Variants in BDP1 observed in about 807,000 individuals in gnomAD.
The protein encoded by BDP1 is BDP1 general transcription factor IIIB subunit, also known as transcription factor TFIIIB component B'' homolog.
In BDP1, 169 loss-of-function variants were observed where a neutral mutation model predicts 266.6. The ratio of observed to expected loss-of-function variants is 0.63; its 90% CI spans 0.56 to 0.72. The LOEUF (loss-of-function observed/expected upper bound fraction) is 0.72. Among genes scored for constraint, BDP1 ranks in the 30% least tolerant of loss-of-function variants. BDP1 has a pLI of 0.00. For missense variants in BDP1, 3,015 were observed against 3,053.8 expected (o/e 0.99, Z 0.30); for synonymous variants, 1,090 against 1,022.4 (o/e 1.07, Z -1.26).
At chr5:71,496,887 C>T (rs1316343779) in intron 12 of BDP1, among the ~76,000 whole-genome samples, 1 of 152,130 alleles carries the variant, frequency 6.6e-6, no homozygotes, top group Non-Finnish European at 1.5e-5. Context: ...CCGGCCTTCC[C>T]ATCATCATTT....
At chr5:71,529,185 T>G in intron 25 of BDP1, among the ~76,000 whole-genome samples, 1 of 149,422 alleles carries the variant, frequency 6.7e-6, no homozygotes, top group East Asian at 2.0e-4. Flanking sequence ...AGGTCAGGAG[T>G]TCGAGACCAG....
chr5:71,568,845 C>G (rs772761082), downstream of BDP1, among the ~76,000 whole-genome samples: 1 of 152,172 alleles, frequency 6.6e-6, no homozygotes, highest in Admixed American at 6.5e-5. Context: ...ATAAAAGTCT[C>G]TCCAGACTAT....
chr5:71,551,906 A>AT (rs1561782861), intron 34 of BDP1, among the ~76,000 whole-genome samples: 2 of 118,282 alleles, frequency 1.7e-5, no homozygotes, highest in Admixed American at 1.8e-4. Context: ...CGGGGGGCTG[A>AT]CCCCCCCACC....
chr5:71,541,284 A>C (rs1001694270), intron 28 of BDP1, among the ~76,000 whole-genome samples, 170 bp from the exon 29 acceptor site: 4 of 152,226 alleles, frequency 2.6e-5, no homozygotes, highest in African/African-American at 9.6e-5. Context: ...ATAAATTTAC[A>C]GCCAACAAGG....
Position 71,458,715 on chromosome 5 carries a change from C to A in BDP1, c.349C>A (p.Pro117Thr), listed in dbSNP as rs1469356808. The A allele has an allele frequency of 6.2e-7, 1 of 1,614,116 alleles. No individual in the cohort carries two copies. The highest frequency in any genetic ancestry group is 1.1e-5 in the South Asian group (1 of 91,086). Residue 117 changes from proline (P) to threonine (T), a missense_variant, in exon 2 of 39, where the codon CCC becomes ACC. Physicochemically the swap from Pro to Thr is conservative, Grantham distance 38 (BLOSUM62 -1). This residue lies in a region of BDP1 where 2,383 missense variants were observed against 2,404.9 expected (regional missense o/e 0.99). Coordinates refer to ENST00000358731, the MANE Select transcript of BDP1 (RefSeq NM_018429.3). Reference protein sequence around the residue: ...SSVSVPSESHPLSTINQEAPQ... With the variant: ...SSVSVPSESHTLSTINQEAPQ... ...TGTCAGTGTTCCTTCAGAATCTCAT[C>A]CCTTATCTACAATTAATCAAGAGGC...
Position 71,517,360 on chromosome 5 carries a change from G to A in BDP1, c.4899G>A (p.Ser1633=), listed in dbSNP as rs199695519. 2.6e-4 allele frequency: 414 copies of A among 1,599,320 alleles called. 1 individual carries two copies. Among genetic ancestry groups the A allele is most frequent in the Non-Finnish European group, 3.1e-4 (366 of 1,175,894 alleles). The part of the protein sequence containing the change: ...SQIETEIEVP[S]SAVPEHRMYE... ...TTGAAACTGAAATTGAAGTTCCATC[G>A]TCCGCAGTTCCAGAACACAGAATGT... Residue 1633 remains serine, a synonymous_variant, in exon 22 of 39, where the codon TCG becomes TCA. Coordinates refer to ENST00000358731, the MANE Select transcript of BDP1 (RefSeq NM_018429.3).
chr5:71,556,321 A>G (rs1306506488), intron 35 of BDP1, among the ~76,000 whole-genome samples: 3 of 152,188 alleles, frequency 2.0e-5, no homozygotes, highest in Non-Finnish European at 4.4e-5. Flanking sequence ...AATATTAAAA[A>G]GTGATCCAAA....
In BDP1 at chr5:71,545,132, G is replaced by A. The variant is rs1336755645; in HGVS notation, c.6657G>A (p.Leu2219=). ...AGACAGGGCCCTGCACACTTGGTTT[G>A]GATAGGGGTCTTGGTGAAAATTCTG... The part of the protein sequence containing the change: ...SSETGPCTLG[L]DRGLGENSVE... Residue 2219 remains leucine, a synonymous_variant, in exon 32 of 39, where the codon TTG becomes TTA. Coordinates refer to ENST00000358731, the MANE Select transcript of BDP1 (RefSeq NM_018429.3). The A allele has an allele frequency of 6.2e-7, 1 of 1,613,772 alleles. No homozygotes were observed. The highest frequency in any genetic ancestry group is 8.5e-7 in the Non-Finnish European group (1 of 1,179,904).
At chr5:71,553,410 C>T in intron 35 of BDP1, 90 bp downstream of exon 35, 1 of 829,596 alleles carries the variant, frequency 1.2e-6, no homozygotes, top group Non-Finnish European at 1.9e-6. Context: ...CCTTTATTCT[C>T]TTTAAACTTT....
At chr5:71,514,257 G>C (rs1430909667) in intron 19 of BDP1, among the ~76,000 whole-genome samples, 2 of 152,100 alleles carry the variant, frequency 1.3e-5, no homozygotes, top group Non-Finnish European at 2.9e-5. Flanking sequence ...TCTTAAAATA[G>C]CTCAGTACTT....
chr5:71,498,375 C>T (rs970827657), intron 13 of BDP1, among the ~76,000 whole-genome samples: 2 of 152,140 alleles, frequency 1.3e-5, no homozygotes, highest in Admixed American at 1.3e-4. Flanking sequence ...GGGTTATAGG[C>T]ATGAGCCAGC....
intron 38 of BDP1, 83 bp from the exon 39 acceptor site, chr5:71,564,671 T>C: frequency 8.1e-7 from 1 of 1,234,398 alleles, no homozygotes; most frequent in East Asian, 2.6e-5. Context: ...CATATTGGTT[T>C]AGACTGCTAT....
chr5:71,534,877 G>A (rs1258931901), intron 26 of BDP1, among the ~76,000 whole-genome samples: 3 of 152,166 alleles, frequency 2.0e-5, no homozygotes, highest in African/African-American at 4.8e-5. Context: ...CTGATCTCAG[G>A]TGATCCACCC....
chr5:71,467,331 A>G (rs2150358780), intron 5 of BDP1, 23 bp from the exon 6 acceptor site: 4 of 1,557,962 alleles, frequency 2.6e-6, no homozygotes, highest in Non-Finnish European at 3.5e-6. Context: ...GTATACATCT[A>G]TTTAAAAATG....
chr5:71,489,648 T>C lies in BDP1; in HGVS notation c.1458T>C (p.Val486=), dbSNP rs1328012798. Reference sequence around the variant, plus strand: ...ACAATCTTTTAGAAAATGCCACTGTTCAGGCGGGTCCTTCTAAAGGAGAAA... The same window carrying C: ...ACAATCTTTTAGAAAATGCCACTGTCCAGGCGGGTCCTTCTAAAGGAGAAA... ...GVNNLLENAT[V]QAGPSKGEKH... Residue 486 remains valine, a synonymous_variant, in exon 10 of 39, where the codon GTT becomes GTC. Transcript: ENST00000358731. 8 of 1,613,254 alleles carry C rather than the reference T, an allele frequency of 5.0e-6. No homozygotes were observed. Among genetic ancestry groups the C allele is most frequent in the Non-Finnish European group, 6.8e-6 (8 of 1,179,826 alleles).
intron 37 of BDP1, among the ~76,000 whole-genome samples, 178 bp from the exon 38 acceptor site, chr5:71,562,096 G>A (rs1379221675): frequency 1.3e-5 from 2 of 150,592 alleles, no homozygotes; most frequent in Non-Finnish European, 2.9e-5. Context: ...TACTTGGGAG[G>A]CTGAAGCAGG....
In BDP1 at chr5:71,495,253, T is replaced by C; in HGVS notation, c.1644T>C (p.Asn548=). 1 of 1,534,534 alleles carries C rather than the reference T, an allele frequency of 6.5e-7. No individual in the cohort carries two copies. The highest frequency in any genetic ancestry group is 2.0e-5 in the Admixed American group (1 of 50,620). The change falls in exon 12 of 39, where the codon AAT becomes AAC. Residue 548 remains asparagine, a synonymous_variant. Transcript: ENST00000358731. The stretch of plus-strand genomic sequence containing the variant: ...TGAAATATTTTCTTTTTTTTAGTAA[T>C]CAACAAGATGCCACATCAGTAGCAA... ...KRTDPILSLS[N]QQDATSVATE...
chr5:71,548,103 C>T (rs1431664142), intron 32 of BDP1, among the ~76,000 whole-genome samples: 2 of 151,774 alleles, frequency 1.3e-5, no homozygotes, highest in East Asian at 1.9e-4. Flanking sequence ...GGCAACATGG[C>T]AAAACCCCAT....
At chr5:71,536,956 G>A (rs978112742) in intron 26 of BDP1, among the ~76,000 whole-genome samples, 7 of 151,876 alleles carry the variant, frequency 4.6e-5, no homozygotes, top group Middle Eastern at 3.4e-3. Context: ...GTGAAACCCC[G>A]TCTCTACTAA....
Sources: allele counts gnomAD v4.1 joint callset (sites outside exome capture counted in the v4.1 genomes callset), GRCh38; gene constraint gnomAD v4.1.1; regional missense constraint gnomAD v4.1.1; transcripts MANE v1.5; gene names NCBI Gene and HGNC (gene_info 2026-07-23, HGNC 2026-07-21).